The following NBEAL1 variants were observed in gnomAD, a reference collection of about 807,000 sequenced individuals.
The protein encoded by NBEAL1 is neurobeachin like 1.
In NBEAL1, 273 loss-of-function variants were observed where a neutral mutation model predicts 351.3. The observed-to-expected ratio is 0.78, with a 90% CI of 0.70 to 0.86. The LOEUF (loss-of-function observed/expected upper bound fraction) is 0.86. NBEAL1 is among the 40% of genes least tolerant of loss of function. NBEAL1 has a pLI of 0.00. For synonymous variants in NBEAL1, 1,050 were observed against 1,086.4 expected (o/e 0.97, Z 0.66); for missense variants, 2,961 against 3,201.3 (o/e 0.92, Z 1.81).
intron 8 of NBEAL1, among the ~76,000 whole-genome samples, chr2:203,079,027 A>G (rs183837090): frequency 1.2e-4 from 18 of 152,298 alleles, no homozygotes; most frequent in African/African-American, 4.3e-4. Flanking sequence ...ATAAATGAAA[A>G]TGCATATGAT....
At chr2:203,100,627 A>G (rs781102836) in intron 12 of NBEAL1, among the ~76,000 whole-genome samples, 7 of 149,538 alleles carry the variant, frequency 4.7e-5, no homozygotes, top group South Asian at 2.1e-4. Flanking sequence ...GCTCACTGCA[A>G]CCTCCGCCTC....
chr2:203,209,713 A>ATGTGTGTGTGTGTGTGTG lies in NBEAL1; in HGVS notation c.7785+407_7785+424dup, dbSNP rs56169732. On this transcript the variant is annotated intron_variant, in intron 53 of 55. Coordinates refer to ENST00000683969, the MANE Select transcript of NBEAL1 (RefSeq NM_001378026.1). Reference sequence around the variant, plus strand: ...TGACATCACTATTTATTTAATTAATATGTGTGTGTGTGTGTGTGTGTGTGT... The same window carrying ATGTGTGTGTGTGTGTGTG: ...TGACATCACTATTTATTTAATTAATATGTGTGTGTGTGTGTGTGTGTGTGTGTGTGTGTGTGTGTGTGT... 4.4e-3 allele frequency among the ~76,000 whole-genome samples: 607 copies of ATGTGTGTGTGTGTGTGTG among 138,660 alleles called. 9 individuals carry two copies. The highest frequency in any genetic ancestry group is 9.4e-3 in the African/African-American group (351 of 37,338). The allele number at this position is 138,660 out of a possible 152,430, so 91.0% of individuals were successfully genotyped here. A position where few individuals can be genotyped will look rare whatever the true frequency, so the allele number is the denominator to read the frequency against.
intron 27 of NBEAL1, 148 bp from the exon 28 acceptor site, chr2:203,135,529 A>G (rs2063180184): frequency 3.5e-6 from 2 of 576,436 alleles, no homozygotes; most frequent in Admixed American, 7.2e-5. Context: ...ATAGTTTATA[A>G]TCTAATTAAG....
At position 203,151,604 on chromosome 2, in the gene NBEAL1, C is replaced by T. The variant is rs764034047; in HGVS notation, c.5587+15C>T. ...AGATAATCTGGGTGAGTTCCAATGACTGTTTAATTGTTTGTTGAAGATAAT... is the reference window on the plus strand; with the variant it reads ...AGATAATCTGGGTGAGTTCCAATGATTGTTTAATTGTTTGTTGAAGATAAT... On this transcript the variant is annotated intron_variant, in intron 35 of 55. Coordinates refer to ENST00000683969, the MANE Select transcript of NBEAL1 (RefSeq NM_001378026.1). 8 of 1,580,960 alleles carry T rather than the reference C, an allele frequency of 5.1e-6. No individual in the cohort carries two copies. The Admixed American group carries it at 5.8e-5, about 11-fold the overall frequency.
chr2:203,167,219 G>A lies in NBEAL1; in HGVS notation c.5864-8G>A, dbSNP rs370792058. Reference sequence around the variant, plus strand: ...GTATCTCAGTCACAAGATTTCTTCCGTTTTCAGGAGTAGGCTTTGATTTCA... The same window carrying A: ...GTATCTCAGTCACAAGATTTCTTCCATTTTCAGGAGTAGGCTTTGATTTCA... On this transcript the variant is annotated splice_region_variant and splice_polypyrimidine_tract_variant and intron_variant, in intron 37 of 55. Transcript: ENST00000683969. 6.2e-5 allele frequency: 100 copies of A among 1,602,154 alleles called. No homozygotes were observed. In the African/African-American group the frequency reaches 1.1e-3, roughly 18 times the overall value.
intron 12 of NBEAL1, among the ~76,000 whole-genome samples, chr2:203,101,250 A>G (rs1224879735): frequency 6.6e-6 from 1 of 152,140 alleles, no homozygotes; most frequent in Non-Finnish European, 1.5e-5. Context: ...CTATTTATTG[A>G]AAAGGAGCCC....
intron 3 of NBEAL1, among the ~76,000 whole-genome samples, chr2:203,048,867 A>G (rs2061275603): frequency 6.8e-6 from 1 of 146,218 alleles, no homozygotes; most frequent in African/African-American, 2.5e-5. Context: ...GCCCATGCTC[A>G]GAGCTCTACA....
rs2061512738 is a variant in NBEAL1 at position 203,062,320 on chromosome 2, G to C, written c.515+4867G>C. 1 of 484,538 alleles carries C rather than the reference G, an allele frequency of 2.1e-6. No homozygotes were observed. The highest frequency in any genetic ancestry group is 2.0e-5 in the African/African-American group (1 of 51,182). The allele number at this position is 484,538 out of a possible 1,614,324, so 30.0% of individuals were successfully genotyped here. On this transcript the variant is annotated intron_variant, in intron 6 of 55. Transcript: ENST00000683969. The surrounding 1 kb of genome is among the most constrained non-coding windows in gnomAD (Gnocchi z 4.2). ...GGTTTCCTGCGTCACATCTCTATAA[G>C]AGTTTCTTCTGGGAAAAATCCAGCA...
intron 55 of NBEAL1, among the ~76,000 whole-genome samples, chr2:203,215,681 C>T (rs1458233758): frequency 6.7e-6 from 1 of 150,134 alleles, no homozygotes; most frequent in Admixed American, 6.6e-5. Flanking sequence ...GAGCGAGACT[C>T]CATCTCAAAA....
At chr2:203,112,943 A>G (rs1048696647) in intron 16 of NBEAL1, 72 bp from the exon 17 acceptor site, 2 of 1,275,784 alleles carry the variant, frequency 1.6e-6, no homozygotes, top group Non-Finnish European at 2.1e-6. Flanking sequence ...GTACTATTTT[A>G]TTGTGTAATT....
intron 27 of NBEAL1, among the ~76,000 whole-genome samples, chr2:203,135,355 G>A (rs748637577): frequency 4.6e-5 from 7 of 152,126 alleles, no homozygotes; most frequent in Non-Finnish European, 7.4e-5. Flanking sequence ...GGGGCTCATG[G>A]AAAGTATTTA....
chr2:203,190,856 C>T, intron 46 of NBEAL1: 1 of 1,611,054 alleles, frequency 6.2e-7, no homozygotes, highest in Non-Finnish European at 8.5e-7. Flanking sequence ...GGTGCCACTT[C>T]TGCCCTGGCC....
At position 203,167,231 on chromosome 2, in the gene NBEAL1, A is replaced by G; in HGVS notation, c.5868A>G (p.Val1956=). The G allele has an allele frequency of 6.2e-7, 1 of 1,609,090 alleles. No individual in the cohort carries two copies. The highest frequency in any genetic ancestry group is 1.1e-5 in the South Asian group (1 of 89,798). The part of the protein sequence containing the change: ...YDGSIEKEDG[V]GFDFKWPHSQ... ...CAAGATTTCTTCCGTTTTCAGGAGT[A>G]GGCTTTGATTTCAAGTGGCCTCATT... Residue 1956 remains valine, a synonymous_variant, in exon 38 of 56, where the codon GTA becomes GTG. Coordinates refer to ENST00000683969, the MANE Select transcript of NBEAL1 (RefSeq NM_001378026.1).
chr2:203,014,968 C>A lies in NBEAL1; in HGVS notation c.-244C>A, dbSNP rs1463670599. 6.6e-6 allele frequency: 1 copy of A among 152,244 alleles called. No individual in the cohort carries two copies. The highest frequency in any genetic ancestry group is 1.9e-4 in the East Asian group (1 of 5,178). 9.4% of individuals were successfully genotyped at this position (152,244 alleles called of 1,614,324 possible). A position where few individuals can be genotyped will look rare whatever the true frequency, so the allele number is the denominator to read the frequency against. ...TAGACGGCTGCCGGGCGGCGGCTGC[C>A]GCGCGGCACACAATGTGAGCCCGGT... is the stretch of plus-strand genomic sequence containing the variant. On this transcript the variant is annotated 5_prime_UTR_variant, in exon 1 of 56. Transcript: ENST00000683969.
At position 203,125,949 on chromosome 2, in the gene NBEAL1, T is replaced by C. The variant is rs2062927745; in HGVS notation, c.2852-11T>C. 2 of 1,500,272 alleles carry C rather than the reference T, an allele frequency of 1.3e-6. No homozygotes were observed. Among genetic ancestry groups the C allele is most frequent in the Non-Finnish European group, 1.8e-6 (2 of 1,126,706 alleles). The allele number at this position is 1,500,272 out of a possible 1,614,324, so 92.9% of individuals were successfully genotyped here. On this transcript the variant is annotated splice_polypyrimidine_tract_variant and intron_variant, in intron 20 of 55. Transcript: ENST00000683969. ...GAAATTATGATAATTAATATGTTCCTGATTCTACAGAGTCAAGACTAGAGA... is the reference window on the plus strand; with the variant it reads ...GAAATTATGATAATTAATATGTTCCCGATTCTACAGAGTCAAGACTAGAGA...
chr2:203,109,707 A>G (rs2062518571), intron 14 of NBEAL1, among the ~76,000 whole-genome samples: 1 of 151,956 alleles, frequency 6.6e-6, no homozygotes, highest in African/African-American at 2.4e-5. Flanking sequence ...TTTAGTAGAG[A>G]CGGGGTTTCA....
chr2:203,177,330 T>C (rs1575088625), intron 42 of NBEAL1, among the ~76,000 whole-genome samples: 1 of 143,106 alleles, frequency 7.0e-6, no homozygotes, highest in East Asian at 2.0e-4. Flanking sequence ...AGCCCAGGAG[T>C]TCAAGTTCAG....
At chr2:203,099,576 T>A (rs1046586267) in intron 11 of NBEAL1, 53 bp from the exon 12 acceptor site, 1 of 1,225,524 alleles carries the variant, frequency 8.2e-7, no homozygotes, top group South Asian at 1.4e-5. Flanking sequence ...CCTAACTCAA[T>A]AAAAATCGTG....
chr2:203,090,031 A>G (rs1396606060), intron 10 of NBEAL1, among the ~76,000 whole-genome samples: 2 of 152,202 alleles, frequency 1.3e-5, no homozygotes, highest in African/African-American at 2.4e-5. Flanking sequence ...TGCGTCTGCT[A>G]TTGATGGACA....
Sources: allele counts gnomAD v4.1 joint callset (sites outside exome capture counted in the v4.1 genomes callset), GRCh38; gene constraint gnomAD v4.1.1; non-coding constraint Gnocchi (gnomAD v3.1); transcripts MANE v1.5; gene names NCBI Gene and HGNC (gene_info 2026-07-23, HGNC 2026-07-21).